FAM78B: variants seen among roughly 807,000 people sequenced by gnomAD.
The protein encoded by FAM78B is family with sequence similarity 78 member B, also known as protein FAM78B.
FAM78B carries 10 observed loss-of-function variants against 20.0 expected under a neutral mutation model. The observed-to-expected ratio is 0.50, with a 90% CI of 0.31 to 0.85. FAM78B has a LOEUF of 0.85. FAM78B is among the 40% of genes least tolerant of loss of function. The pLI is 0.05. For synonymous variants in FAM78B, 135 were observed against 132.8 expected (o/e 1.02, Z -0.12); for missense variants, 283 against 345.0 (o/e 0.82, Z 1.42).
At chr1:166,084,165 A>C (rs1652698092) in intron 1 of FAM78B, among the ~76,000 whole-genome samples, 1 of 149,948 alleles carries the variant, frequency 6.7e-6, no homozygotes. Flanking sequence ...TGTTCTTAAC[A>C]TTGTGTTAGA....
intron 1 of FAM78B, among the ~76,000 whole-genome samples, chr1:166,104,575 GC>G (rs55846519): frequency 0.19 from 29,600 of 152,054 alleles, 3,282 homozygotes; most frequent in East Asian, 0.37. Flanking sequence ...CAAACAGAGA[GC>G]CAAATCATGA....
In FAM78B at chr1:166,122,013, A is replaced by G. The variant is rs1050179170; in HGVS notation, c.263+43973T>C. Among the ~76,000 whole-genome samples the G allele has an allele frequency of 2.0e-5, 3 of 152,218 alleles. No homozygotes were observed. In the East Asian group the frequency reaches 5.8e-4, roughly 29 times the overall value. ...TGGCCTATATTCATGAACATTTGGG[A>G]CAACTCTTCATCACATCACCACACC... On this transcript the variant is annotated intron_variant, in intron 1 of 1. Transcript: ENST00000354422.
intron 1 of FAM78B, among the ~76,000 whole-genome samples, chr1:166,107,911 G>C (rs1373016414): frequency 1.3e-5 from 2 of 152,124 alleles, no homozygotes; most frequent in Non-Finnish European, 2.9e-5. Context: ...CATTTCAACA[G>C]CTGCAGAAAA....
downstream of FAM78B, among the ~76,000 whole-genome samples, chr1:166,065,403 A>T (rs1270026274): frequency 6.6e-6 from 1 of 152,228 alleles, no homozygotes; most frequent in African/African-American, 2.4e-5. Flanking sequence ...TGTCTGTACT[A>T]TGTAAACTGT....
chr1:166,130,532 G>T (rs1256164681), intron 1 of FAM78B, among the ~76,000 whole-genome samples: 1 of 152,176 alleles, frequency 6.6e-6, no homozygotes, highest in Non-Finnish European at 1.5e-5. Context: ...GGTTGTCACA[G>T]CTGGAAGGTA....
intron 1 of FAM78B, chr1:166,081,184 G>A (rs1034783173): frequency 5.3e-5 from 8 of 152,176 alleles, no homozygotes; most frequent in African/African-American, 1.9e-4. Flanking sequence ...ATCATTTGCA[G>A]TGTTTTTCAA....
intron 1 of FAM78B, among the ~76,000 whole-genome samples, chr1:166,077,457 A>G (rs1279396599): frequency 2.0e-5 from 3 of 151,838 alleles, no homozygotes; most frequent in Non-Finnish European, 4.4e-5. Flanking sequence ...AAACAGGAAG[A>G]AAAATAACTC....
chr1:166,165,521 G>C (rs144246177), intron 1 of FAM78B, among the ~76,000 whole-genome samples: 1 of 152,138 alleles, frequency 6.6e-6, no homozygotes, highest in Non-Finnish European at 1.5e-5. Context: ...CGGATGCCCG[G>C]GACCTGCTCT....
intron 1 of FAM78B, among the ~76,000 whole-genome samples, chr1:166,092,405 CG>C (rs755723215): frequency 1.3e-5 from 2 of 152,194 alleles, no homozygotes; most frequent in Non-Finnish European, 2.9e-5. Context: ...CTTGTTCAAA[CG>C]GGCCCCTCCA....
At chr1:166,097,421 A>G (rs1653328571) in intron 1 of FAM78B, among the ~76,000 whole-genome samples, 1 of 152,208 alleles carries the variant, frequency 6.6e-6, no homozygotes, top group Non-Finnish European at 1.5e-5. Context: ...GGAAGAACCA[A>G]GCCCCTTTTC....
At chr1:166,155,467 T>A (rs1484897940) in intron 1 of FAM78B, among the ~76,000 whole-genome samples, 1 of 152,188 alleles carries the variant, frequency 6.6e-6, no homozygotes, top group Non-Finnish European at 1.5e-5. Context: ...GTTGTTATCA[T>A]CATCAAGTTG....
intron 1 of FAM78B, among the ~76,000 whole-genome samples, chr1:166,092,096 T>A (rs1481063520): frequency 1.3e-5 from 2 of 151,882 alleles, no homozygotes; most frequent in African/African-American, 4.8e-5. Flanking sequence ...AGTCTATCTT[T>A]CTGAGGAATT....
intron 2 of FAM78B, among the ~76,000 whole-genome samples, chr1:166,062,766 C>G (rs1048921276): frequency 3.3e-5 from 5 of 152,154 alleles, no homozygotes; most frequent in African/African-American, 4.8e-5. Context: ...CTTTCAAAGC[C>G]CAGTTTAATG....
intron 1 of FAM78B, among the ~76,000 whole-genome samples, chr1:166,102,417 T>C (rs1653563515): frequency 6.6e-6 from 1 of 152,186 alleles, no homozygotes; most frequent in East Asian, 1.9e-4. Context: ...ACTGGCAAAT[T>C]GGATAAAGAG....
chr1:166,070,758 C>A lies in FAM78B; in HGVS notation c.269G>T (p.Ser90Ile). Residue 90 changes from serine to isoleucine, a missense_variant, in exon 2 of 2, where the codon AGC becomes ATC. Physicochemically the swap from Ser to Ile is moderately radical, Grantham distance 142. Transcript: ENST00000354422. The part of the protein sequence containing the change: ...FNTYSDLGMS[S>I]WELPDLREGR... ...TTCCCTCAAGTCAGGCAGTTCCCAGCTTGACCTGGCAAAGCAGAAGACATG... is the reference window on the plus strand; with the variant it reads ...TTCCCTCAAGTCAGGCAGTTCCCAGATTGACCTGGCAAAGCAGAAGACATG... 1.3e-6 allele frequency: 2 copies of A among 1,552,368 alleles called. No individual in the cohort carries two copies. Among genetic ancestry groups the A allele is most frequent in the South Asian group, 1.2e-5 (1 of 81,786 alleles).
chr1:166,103,627 C>T (rs1485680884), intron 1 of FAM78B, among the ~76,000 whole-genome samples: 1 of 152,172 alleles, frequency 6.6e-6, no homozygotes, highest in Admixed American at 6.5e-5. Flanking sequence ...TTCCTCGACA[C>T]ATACACCTTC....
At chr1:166,067,009 T>A (rs1651820485), downstream of FAM78B, among the ~76,000 whole-genome samples, 1 of 152,166 alleles carries the variant, frequency 6.6e-6, no homozygotes, top group African/African-American at 2.4e-5. Context: ...ATAAAGGGAA[T>A]CTGGAACATT....
intron 1 of FAM78B, among the ~76,000 whole-genome samples, chr1:166,142,402 A>C (rs990807075): frequency 2.0e-5 from 3 of 152,216 alleles, no homozygotes; most frequent in African/African-American, 7.2e-5. Context: ...ACGGGGCAGC[A>C]GCAGAAGCCT....
intron 1 of FAM78B, among the ~76,000 whole-genome samples, chr1:166,163,794 G>C (rs1406422460): frequency 2.6e-5 from 4 of 152,222 alleles, no homozygotes; most frequent in African/African-American, 9.6e-5. Context: ...TGAAGAAACA[G>C]GTAGACTGTG....
Sources: allele counts gnomAD v4.1 joint callset (sites outside exome capture counted in the v4.1 genomes callset), GRCh38; gene constraint gnomAD v4.1.1; transcripts MANE v1.5; gene names NCBI Gene and HGNC (gene_info 2026-07-23, HGNC 2026-07-21).